MAPRE1: variants seen among roughly 807,000 people sequenced by gnomAD.
MAPRE1 encodes the protein microtubule-associated protein RP/EB family member 1.
Under a neutral mutation model 32.1 loss-of-function variants are expected in MAPRE1, and 5 were observed. That is an observed-to-expected ratio of 0.16 (90% CI 0.08 to 0.33). MAPRE1 has a LOEUF of 0.33. Ranked by LOEUF, MAPRE1 falls within the 10% of genes least tolerant of loss-of-function variation. The pLI is 1.00. For missense variants in MAPRE1, 209 were observed against 327.2 expected (o/e 0.64, Z 2.79); for synonymous variants, 122 against 118.9 (o/e 1.03, Z -0.17).
intron 4 of MAPRE1, among the ~76,000 whole-genome samples, 192 bp from the exon 5 acceptor site, chr20:32,839,543 G>A (rs936202133): frequency 3.3e-5 from 5 of 152,196 alleles, no homozygotes; most frequent in African/African-American, 1.2e-4. Context: ...TAACTCTGCT[G>A]CCAGGATAGA....
intron 3 of MAPRE1, among the ~76,000 whole-genome samples, chr20:32,834,181 G>A (rs746366264): frequency 1.3e-5 from 2 of 152,086 alleles, no homozygotes; most frequent in African/African-American, 2.4e-5. Context: ...CTCTTAATCT[G>A]GATTTACTTC....
At chr20:32,846,867 C>A in intron 6 of MAPRE1, 97 bp downstream of exon 6, 2 of 1,316,908 alleles carry the variant, frequency 1.5e-6, no homozygotes, top group South Asian at 1.3e-5. Context: ...TTGCATTCAT[C>A]AAAAGACTTC....
chr20:32,821,745 C>A (rs771518950), intron 1 of MAPRE1, among the ~76,000 whole-genome samples: 2 of 152,144 alleles, frequency 1.3e-5, no homozygotes, highest in African/African-American at 2.4e-5. Flanking sequence ...TATTGTGGTG[C>A]CTTGAAAGTA....
At chr20:32,819,928 G>A (rs1473122808), upstream of MAPRE1, 3 of 151,680 alleles carry the variant, frequency 2.0e-5, no homozygotes, top group Non-Finnish European at 2.9e-5. Flanking sequence ...GTGCGTGTGA[G>A]GTCATCGCGC....
At chr20:32,848,598 T>G (rs1983568449) in intron 6 of MAPRE1, 74 bp from the exon 7 acceptor site, 1 of 1,143,674 alleles carries the variant, frequency 8.7e-7, no homozygotes, top group Admixed American at 1.9e-5. Context: ...TAAGAGGCTG[T>G]AAGTATGAGG....
rs71338460 is a variant in MAPRE1, at chr20:32,826,519, C to CTTTTTTTTT, written c.121+488_121+496dup. Among the ~76,000 whole-genome samples, 8 of 46,556 alleles carry CTTTTTTTTT rather than the reference C, an allele frequency of 1.7e-4. 1 individual carries two copies. The highest frequency in any genetic ancestry group is 2.7e-4 in the African/African-American group (3 of 11,300). The allele number at this position is 46,556 out of a possible 152,430, so 30.5% of individuals were successfully genotyped here. Reference sequence around the variant, plus strand: ...ACAGGTGTGAGCCACCACGCCCGGCCTTTTTTTTTTTTTTTTTTTTTTTTT... The same window carrying CTTTTTTTTT: ...ACAGGTGTGAGCCACCACGCCCGGCCTTTTTTTTTTTTTTTTTTTTTTTTTTTTTTTTTT... On this transcript the variant is annotated intron_variant, in intron 2 of 6. Transcript: ENST00000375571.
chr20:32,832,910 C>G lies in MAPRE1; in HGVS notation c.122-807C>G, dbSNP rs543618554. On this transcript the variant is annotated intron_variant, in intron 2 of 6. Transcript: ENST00000375571. ...GGTGAGCCGAGATCACGCCACTGCA[C>G]TCCAGCTTGGCAACAGAGCGAGACT... Among the ~76,000 whole-genome samples the G allele has an allele frequency of 4.5e-4, 64 of 143,668 alleles. 1 individual carries two copies. The highest frequency in any genetic ancestry group is 8.2e-4 in the Non-Finnish European group (55 of 67,044). The allele number at this position is 143,668 out of a possible 152,430, so 94.3% of individuals were successfully genotyped here.
chr20:32,844,660 C>G (rs2146139810), intron 5 of MAPRE1, among the ~76,000 whole-genome samples: 1 of 151,690 alleles, frequency 6.6e-6, no homozygotes, highest in African/African-American at 2.4e-5. Flanking sequence ...GATCCGCCTG[C>G]CTTGGCCTCC....
chr20:32,827,213 T>C (rs981758734), intron 2 of MAPRE1, among the ~76,000 whole-genome samples: 1 of 151,824 alleles, frequency 6.6e-6, no homozygotes, highest in African/African-American at 2.4e-5. Context: ...CAAGACCAGC[T>C]TGGCCGACAT....
At position 32,846,685 on chromosome 20, in the gene MAPRE1, G is replaced by A; in HGVS notation, c.665G>A (p.Arg222Gln). 2 of 1,614,084 alleles carry A rather than the reference G, an allele frequency of 1.2e-6. No homozygotes were observed. The highest frequency in any genetic ancestry group is 2.2e-5 in the East Asian group (1 of 44,886). Residue 222 changes from arginine to glutamine, a missense_variant, in exon 6 of 7, where the codon CGG (arginine) becomes CAG (glutamine). Transcript: ENST00000375571. ...KERDFYFGKL[R>Q]NIELICQENE... ...AGGGATTTCTACTTCGGAAAGCTAC[G>A]GAACATTGAATTGATTTGCCAGGAG...
At chr20:32,847,174 G>A (rs543410004) in intron 6 of MAPRE1, among the ~76,000 whole-genome samples, 4 of 152,220 alleles carry the variant, frequency 2.6e-5, no homozygotes, top group African/African-American at 7.2e-5. Context: ...CCTTTTTCAC[G>A]GCGTGCCCAC....
chr20:32,830,769 C>T (rs372545023), intron 2 of MAPRE1, among the ~76,000 whole-genome samples: 6 of 149,460 alleles, frequency 4.0e-5, no homozygotes, highest in East Asian at 3.9e-4. Flanking sequence ...CGGAGTCTCG[C>T]TCTGTTGCCC....
At chr20:32,819,900 T>A (rs780055023), upstream of MAPRE1, 2 of 140,228 alleles carry the variant, frequency 1.4e-5, no homozygotes, top group Non-Finnish European at 3.1e-5. Flanking sequence ...AGCCTTTACG[T>A]CGGCGCGTAA....
chr20:32,826,518 C>CCT (rs1982855039), intron 2 of MAPRE1, among the ~76,000 whole-genome samples: 1 of 84,276 alleles, frequency 1.2e-5, no homozygotes, highest in Non-Finnish European at 2.3e-5. Flanking sequence ...CCACGCCCGG[C>CCT]CTTTTTTTTT....
Position 32,849,399 on chromosome 20 carries a change from A to G in MAPRE1, c.*671A>G, listed in dbSNP as rs1983588880. 6.6e-6 allele frequency: 1 copy of G among 152,244 alleles called. No homozygotes were observed. The highest frequency in any genetic ancestry group is 1.5e-5 in the Non-Finnish European group (1 of 68,048). The allele number at this position is 152,244 out of a possible 1,614,324, so 9.4% of individuals were successfully genotyped here. On this transcript the variant is annotated 3_prime_UTR_variant, in exon 7 of 7. Transcript: ENST00000375571. ...CAAGAGGCATCGTTGCCTGGATAAT[A>G]GAGGATGTGTTTCAGCCCTGAGATG...
intron 5 of MAPRE1, among the ~76,000 whole-genome samples, chr20:32,844,879 T>C (rs1983461706): frequency 6.6e-6 from 1 of 152,200 alleles, no homozygotes; most frequent in Non-Finnish European, 1.5e-5. Context: ...TCCCCTGCTC[T>C]TTGGGGCTGT....
intron 2 of MAPRE1, among the ~76,000 whole-genome samples, chr20:32,832,213 T>C (rs768097586): frequency 3.3e-5 from 5 of 152,204 alleles, no homozygotes; most frequent in Admixed American, 6.5e-5. Flanking sequence ...TCTTGAATTC[T>C]GCAGATTACT....
intron 1 of MAPRE1, among the ~76,000 whole-genome samples, chr20:32,824,855 A>C (rs1294763348): frequency 6.6e-6 from 1 of 151,932 alleles, no homozygotes; most frequent in Non-Finnish European, 1.5e-5. Flanking sequence ...AATAGGAATT[A>C]ATAAAAACCC....
chr20:32,847,160 G>T (rs1600336731), intron 6 of MAPRE1, among the ~76,000 whole-genome samples: 1 of 152,210 alleles, frequency 6.6e-6, no homozygotes, highest in African/African-American at 2.4e-5. Flanking sequence ...GCAGGCACAT[G>T]CTCCCTTTTT....
Sources: gnomAD v4.1 joint callset for allele counts (sites outside exome capture counted in the v4.1 genomes callset) on GRCh38, gnomAD v4.1.1 for gene constraint, MANE v1.5 for transcripts, NCBI Gene and HGNC (gene_info 2026-07-23, HGNC 2026-07-21) for gene names.